MAMDC2: variants seen among roughly 807,000 people sequenced by gnomAD.
The protein encoded by MAMDC2 is MAM domain containing 2, also known as MAM domain-containing protein 2.
A neutral mutation model predicts 89.8 loss-of-function variants in MAMDC2; 57 were observed. That is an observed-to-expected ratio of 0.63 (90% CI 0.51 to 0.79). The LOEUF (loss-of-function observed/expected upper bound fraction) is 0.79, where lower values mean the gene tolerates loss of function less well. Among genes scored for constraint, MAMDC2 ranks in the 30% least tolerant of loss-of-function variants. The probability of loss-of-function intolerance (pLI) is 0.00; values close to 1 mark genes in which losing one functional copy is unlikely to be tolerated. For synonymous variants in MAMDC2, 313 were observed against 293.4 expected, an observed-to-expected ratio of 1.07 and a Z score of -0.68; for missense variants, 800 against 820.6, an observed-to-expected ratio of 0.97 and a Z score of 0.31.
chr9:70,213,055 T>A (rs1192008681), intron 11 of MAMDC2, among the ~76,000 whole-genome samples: 1 of 152,110 alleles, frequency 6.6e-6, no homozygotes, highest in Non-Finnish European at 1.5e-5. Flanking sequence ...AAGAAGTCAA[T>A]CGAATGATCC....
chr9:70,116,138 T>C (rs1423822901), intron 5 of MAMDC2, among the ~76,000 whole-genome samples: 2 of 152,198 alleles, frequency 1.3e-5, no homozygotes, highest in Non-Finnish European at 2.9e-5. Flanking sequence ...AAAAATTCGT[T>C]CCAAAGTCAA....
At chr9:70,194,891 G>A (rs1051543629) in intron 11 of MAMDC2, among the ~76,000 whole-genome samples, 2 of 151,936 alleles carry the variant, frequency 1.3e-5, no homozygotes, top group Non-Finnish European at 2.9e-5. Flanking sequence ...CGGAACCTTA[G>A]GCCAGTATTA....
At chr9:70,120,191 G>A (rs961447740) in intron 5 of MAMDC2, among the ~76,000 whole-genome samples, 3 of 152,114 alleles carry the variant, frequency 2.0e-5, no homozygotes, top group African/African-American at 2.4e-5. Flanking sequence ...CTTCCCCTAC[G>A]GGTCCCTATA....
chr9:70,093,601 T>A (rs1214878242), intron 2 of MAMDC2, among the ~76,000 whole-genome samples: 1 of 151,890 alleles, frequency 6.6e-6, no homozygotes, highest in Admixed American at 6.6e-5. Context: ...AATTTTTTTT[T>A]TTTTATTTTT....
At chr9:70,189,836 T>C (rs2032841052) in intron 11 of MAMDC2, among the ~76,000 whole-genome samples, 1 of 152,050 alleles carries the variant, frequency 6.6e-6, no homozygotes, top group Admixed American at 6.6e-5. Flanking sequence ...GCCTTCAAGT[T>C]TAGTGATTCT....
At chr9:70,190,626 A>T (rs2032858698) in intron 11 of MAMDC2, among the ~76,000 whole-genome samples, 1 of 151,732 alleles carries the variant, frequency 6.6e-6, no homozygotes, top group Admixed American at 6.6e-5. Flanking sequence ...ATTTCCAGAA[A>T]TATGTTAGAG....
intron 2 of MAMDC2, among the ~76,000 whole-genome samples, chr9:70,052,802 G>A (rs574211841): frequency 6.6e-6 from 1 of 152,106 alleles, no homozygotes; most frequent in East Asian, 1.9e-4. Context: ...CCTACCATGG[G>A]ACTTCAAAGA....
chr9:70,095,698 T>A (rs1226062130), intron 2 of MAMDC2, among the ~76,000 whole-genome samples: 1 of 152,186 alleles, frequency 6.6e-6, no homozygotes, highest in African/African-American at 2.4e-5. Flanking sequence ...GACTTGGGAA[T>A]TACCTCTGTA....
chr9:70,219,973 A>G (rs1344882493), intron 12 of MAMDC2, among the ~76,000 whole-genome samples: 1 of 152,186 alleles, frequency 6.6e-6, no homozygotes, highest in Non-Finnish European at 1.5e-5. Context: ...GCAAATTCTC[A>G]GGTCCCACTT....
chr9:70,202,783 T>G (rs978107182), intron 11 of MAMDC2, among the ~76,000 whole-genome samples: 22 of 151,702 alleles, frequency 1.5e-4, no homozygotes, highest in African/African-American at 5.3e-4. Context: ...CTCTTCTTGT[T>G]GAATTGATCC....
intron 7 of MAMDC2, among the ~76,000 whole-genome samples, chr9:70,137,205 A>G (rs963580871): frequency 9.9e-5 from 15 of 152,188 alleles, no homozygotes; most frequent in African/African-American, 3.4e-4. Context: ...TCAAACTCAG[A>G]CAAAATCTGC....
At chr9:70,135,701 A>G (rs1005727899) in intron 7 of MAMDC2, among the ~76,000 whole-genome samples, 1 of 152,132 alleles carries the variant, frequency 6.6e-6, no homozygotes, top group Non-Finnish European at 1.5e-5. Context: ...GAGGTCTCTC[A>G]TAGTCCCTGT....
chr9:70,158,203 T>C lies in MAMDC2; in HGVS notation c.1405-10499T>C, dbSNP rs183890469. Among the ~76,000 whole-genome samples the C allele has an allele frequency of 2.0e-3, 298 of 152,226 alleles. 2 individuals are homozygous for C. Among genetic ancestry groups the C allele is most frequent in the African/African-American group, 6.8e-3 (282 of 41,532 alleles). On this transcript the variant is annotated intron_variant, in intron 9 of 13. Transcript: ENST00000377182. The stretch of plus-strand genomic sequence containing the variant: ...CCCCTGGGCTCAAGCGATCCACCCA[T>C]GTATGACCTCCCAAAGTGCTTTACA...
intron 7 of MAMDC2, among the ~76,000 whole-genome samples, chr9:70,136,173 A>C (rs911889761): frequency 6.6e-6 from 1 of 151,154 alleles, no homozygotes; most frequent in African/African-American, 2.4e-5. Flanking sequence ...CAAACAAAAA[A>C]CTCTCTATGT....
intron 9 of MAMDC2, among the ~76,000 whole-genome samples, chr9:70,158,632 T>A (rs1283260035): frequency 6.6e-6 from 1 of 152,082 alleles, no homozygotes; most frequent in Non-Finnish European, 1.5e-5. Context: ...ATTGAATAAA[T>A]ACATTCAAAT....
At chr9:70,114,015 C>A (rs541880721) in intron 5 of MAMDC2, among the ~76,000 whole-genome samples, 10 of 151,830 alleles carry the variant, frequency 6.6e-5, no homozygotes, top group African/African-American at 2.4e-4. Context: ...ACATAATGAC[C>A]TTTTATGGTT....
chr9:70,225,296 A>G (rs997232353), intron 12 of MAMDC2, among the ~76,000 whole-genome samples: 3 of 152,156 alleles, frequency 2.0e-5, no homozygotes, highest in Non-Finnish European at 4.4e-5. Context: ...ACACATGGGT[A>G]TCATCGGTCA....
chr9:70,222,338 G>A (rs536044373), intron 12 of MAMDC2, among the ~76,000 whole-genome samples: 21 of 152,300 alleles, frequency 1.4e-4, no homozygotes, highest in African/African-American at 4.3e-4. Flanking sequence ...AATCCAAATG[G>A]TTGTAAGTAA....
chr9:70,147,323 T>C (rs2031437754), intron 9 of MAMDC2, among the ~76,000 whole-genome samples: 1 of 150,188 alleles, frequency 6.7e-6, no homozygotes, highest in South Asian at 2.1e-4. Flanking sequence ...TTTCTGATGG[T>C]TTTTCTTCCT....
Sources: gnomAD v4.1 joint callset for allele counts (sites outside exome capture counted in the v4.1 genomes callset) on GRCh38, gnomAD v4.1.1 for gene constraint, MANE v1.5 for transcripts, NCBI Gene and HGNC (gene_info 2026-07-23, HGNC 2026-07-21) for gene names.